COL9A1: variants seen among roughly 807,000 people sequenced by gnomAD.
COL9A1 encodes the protein collagen type IX alpha 1 chain.
Under a neutral mutation model 142.6 loss-of-function variants are expected in COL9A1, and 104 were observed. The observed-to-expected ratio is 0.73, with a 90% CI of 0.62 to 0.86. The LOEUF (loss-of-function observed/expected upper bound fraction) is 0.86, where lower values mean the gene tolerates loss of function less well. Ranked by LOEUF, COL9A1 falls within the 40% of genes least tolerant of loss-of-function variation. COL9A1 has a pLI of 0.00. For synonymous variants in COL9A1, 466 were observed against 396.0 expected, an observed-to-expected ratio of 1.18 and a Z score of -2.10; for missense variants, 1,210 against 1,176.6, an observed-to-expected ratio of 1.03 and a Z score of -0.42.
intron 4 of COL9A1, 68 bp downstream of exon 4, chr6:70,299,975 T>C: frequency 4.2e-6 from 6 of 1,439,458 alleles, no homozygotes; most frequent in Non-Finnish European, 5.9e-6. Flanking sequence ...AACTCTAACA[T>C]TGGATAGCTA....
At chr6:70,285,498 G>A (rs1263232565) in intron 5 of COL9A1, among the ~76,000 whole-genome samples, 2 of 152,148 alleles carry the variant, frequency 1.3e-5, no homozygotes, top group Non-Finnish European at 2.9e-5. Context: ...TCTTCTCTTT[G>A]AATACTCACT....
intron 35 of COL9A1, among the ~76,000 whole-genome samples, chr6:70,233,109 C>A (rs964705949): frequency 6.6e-6 from 1 of 152,032 alleles, no homozygotes; most frequent in Non-Finnish European, 1.5e-5. Flanking sequence ...TCACCTGAAT[C>A]CCTGCTGGGT....
intron 7 of COL9A1, 65 bp from the exon 8 acceptor site, chr6:70,281,529 T>C: frequency 7.7e-7 from 1 of 1,303,090 alleles, no homozygotes. Context: ...CTGAGCGCGG[T>C]GCCCTGAAGC....
chr6:70,242,144 GTGGT>G (rs1583239134), intron 29 of COL9A1, 109 bp from the exon 30 acceptor site: 2 of 939,740 alleles, frequency 2.1e-6, no homozygotes, highest in East Asian at 5.3e-5. Flanking sequence ...TAAACGTGCT[GTGGT>G]TGGTTGAACT....
chr6:70,254,241 G>C (rs1428004502), intron 25 of COL9A1, among the ~76,000 whole-genome samples: 1 of 152,038 alleles, frequency 6.6e-6, no homozygotes, highest in Non-Finnish European at 1.5e-5. Context: ...AAACTAAAGA[G>C]AGAAAAGGAA....
chr6:70,263,212 C>A, intron 19 of COL9A1, 32 bp downstream of exon 19: 1 of 1,471,368 alleles, frequency 6.8e-7, no homozygotes, highest in Non-Finnish European at 9.3e-7. Context: ...ATTTACATAT[C>A]CTAGTTAAAT....
At chr6:70,245,633 G>A (rs1340229782) in intron 28 of COL9A1, 1 of 152,120 alleles carries the variant, frequency 6.6e-6, no homozygotes, top group Non-Finnish European at 1.5e-5. Context: ...AGAAGAAACT[G>A]GAATAAAGGC....
chr6:70,267,593 A>T (rs922139416), intron 17 of COL9A1, among the ~76,000 whole-genome samples: 1 of 152,120 alleles, frequency 6.6e-6, no homozygotes, highest in African/African-American at 2.4e-5. Context: ...AAGTGCTGGG[A>T]TTACAGGCGT....
chr6:70,275,041 A>T (rs560630517), intron 10 of COL9A1: 1 of 460,108 alleles, frequency 2.2e-6, no homozygotes, highest in Admixed American at 3.8e-5. Context: ...TCAATAATTC[A>T]GTGTTTTTTG....
intron 12 of COL9A1, 49 bp downstream of exon 12, chr6:70,273,998 T>C (rs768532578): frequency 1.6e-6 from 2 of 1,260,000 alleles, no homozygotes; most frequent in South Asian, 4.1e-5. Flanking sequence ...TGGCAGAATT[T>C]TACCTAAAGA....
chr6:70,216,809 A>G lies in COL9A1; in HGVS notation c.*88T>C. 1 of 1,370,512 alleles carries G rather than the reference A, an allele frequency of 7.3e-7. No homozygotes were observed. Among genetic ancestry groups the G allele is most frequent in the Non-Finnish European group, 1.0e-6 (1 of 967,894 alleles). 84.9% of individuals were successfully genotyped at this position (1,370,512 alleles called of 1,614,324 possible). Reference sequence around the variant, plus strand: ...CATTGTAATCATGCTGAAGGTAATCATCTTTGCCCCAGCTTTGGATGGTGT... The same window carrying G: ...CATTGTAATCATGCTGAAGGTAATCGTCTTTGCCCCAGCTTTGGATGGTGT... On this transcript the variant is annotated 3_prime_UTR_variant, in exon 38 of 38. Transcript: ENST00000357250.
At chr6:70,227,785 A>G (rs1332876547) in intron 36 of COL9A1, among the ~76,000 whole-genome samples, 1 of 152,160 alleles carries the variant, frequency 6.6e-6, no homozygotes, top group Non-Finnish European at 1.5e-5. Flanking sequence ...ATTTCCACAG[A>G]ATAGAACACT....
chr6:70,239,331 T>G (rs758886634), intron 32 of COL9A1, 45 bp from the exon 33 acceptor site: 8 of 1,286,244 alleles, frequency 6.2e-6, no homozygotes, highest in Admixed American at 3.4e-5. Flanking sequence ...GTATTCACAT[T>G]TGATAATTTC....
chr6:70,239,337 A>G, intron 32 of COL9A1, 51 bp from the exon 33 acceptor site: 1 of 1,243,476 alleles, frequency 8.0e-7, no homozygotes, highest in East Asian at 2.3e-5. Flanking sequence ...ACATTTGATA[A>G]TTTCCTGAAA....
At position 70,269,626 on chromosome 6, in the gene COL9A1, A is replaced by G. The variant is rs548557251; in HGVS notation, c.1230+7T>C. 18 of 1,584,936 alleles carry G rather than the reference A, an allele frequency of 1.1e-5. No homozygotes were observed. Among genetic ancestry groups the G allele is most frequent in the Non-Finnish European group, 1.6e-5 (18 of 1,153,234 alleles). Reference sequence around the variant, plus strand: ...AACTATATTTTGTTCAAAGGAAAGCATCTTACCAATGGATCTCCATCATGA... The same window carrying G: ...AACTATATTTTGTTCAAAGGAAAGCGTCTTACCAATGGATCTCCATCATGA... On this transcript the variant is annotated splice_region_variant and intron_variant, in intron 16 of 37. Transcript: ENST00000357250.
At chr6:70,256,068 C>T (rs1771269547) in intron 21 of COL9A1, among the ~76,000 whole-genome samples, 1 of 152,184 alleles carries the variant, frequency 6.6e-6, no homozygotes, top group South Asian at 2.1e-4. Flanking sequence ...TGACAGCACA[C>T]ATAACCCCAT....
chr6:70,280,271 A>G, intron 10 of COL9A1: 1 of 1,249,528 alleles, frequency 8.0e-7, no homozygotes, highest in Non-Finnish European at 1.0e-6. Flanking sequence ...GAATTTCTAA[A>G]TTCCCCGCAC....
intron 10 of COL9A1, 35 bp from the exon 11 acceptor site, chr6:70,274,807 T>C (rs753853075): frequency 1.9e-6 from 3 of 1,565,344 alleles, no homozygotes; most frequent in Non-Finnish European, 8.8e-7. Context: ...AGAACTATCA[T>C]AACATCCTTA....
At chr6:70,268,923 C>T (rs1772218922) in intron 16 of COL9A1, 63 bp from the exon 17 acceptor site, 5 of 1,388,180 alleles carry the variant, frequency 3.6e-6, no homozygotes, top group South Asian at 1.2e-5. Context: ...CTAGGACTCC[C>T]GCTTTGTGAC....
Sources: gnomAD v4.1 joint callset for allele counts (sites outside exome capture counted in the v4.1 genomes callset) on GRCh38, gnomAD v4.1.1 for gene constraint, MANE v1.5 for transcripts, NCBI Gene and HGNC (gene_info 2026-07-23, HGNC 2026-07-21) for gene names.